Variants in CTNND2 observed in about 807,000 individuals in gnomAD.
The protein encoded by CTNND2 is catenin delta 2, also known as catenin delta-2.
A neutral mutation model predicts 144.4 loss-of-function variants in CTNND2; 22 were observed. That is an observed-to-expected ratio of 0.15 (90% CI 0.11 to 0.22). The LOEUF is 0.22. Ranked by LOEUF, CTNND2 falls within the 10% of genes least tolerant of loss-of-function variation. The probability of loss-of-function intolerance (pLI) is 1.00; values close to 1 mark genes in which losing one functional copy is unlikely to be tolerated. For missense variants in CTNND2, 1,353 were observed against 1,618.8 expected, an observed-to-expected ratio of 0.84 and a Z score of 2.82; for synonymous variants, 751 against 695.6, an observed-to-expected ratio of 1.08 and a Z score of -1.25.
intron 2 of CTNND2, among the ~76,000 whole-genome samples, chr5:11,722,068 C>G (rs1345292218): frequency 6.6e-6 from 1 of 152,098 alleles, no homozygotes; most frequent in Non-Finnish European, 1.5e-5. Flanking sequence ...ATTTGTGGTC[C>G]ACATTTCTAA....
chr5:11,610,089 A>G (rs900173960), intron 2 of CTNND2, among the ~76,000 whole-genome samples: 9 of 152,190 alleles, frequency 5.9e-5, no homozygotes, highest in African/African-American at 1.9e-4. Flanking sequence ...TGTTCCAGAC[A>G]CAAAGTTCCA....
At chr5:11,309,981 C>T (rs1464543368) in intron 9 of CTNND2, among the ~76,000 whole-genome samples, 5 of 152,132 alleles carry the variant, frequency 3.3e-5, no homozygotes, top group Admixed American at 2.6e-4. Flanking sequence ...CCTGGGGCCT[C>T]CCCAGCCCTG....
intron 1 of CTNND2, among the ~76,000 whole-genome samples, chr5:11,787,373 T>C (rs774041174): frequency 2.0e-5 from 3 of 152,172 alleles, no homozygotes; most frequent in Non-Finnish European, 4.4e-5. Flanking sequence ...GCAACAACAC[T>C]AATAACTGTA....
chr5:11,118,774 T>C (rs886658617), intron 12 of CTNND2, among the ~76,000 whole-genome samples: 6 of 152,220 alleles, frequency 3.9e-5, no homozygotes, highest in Non-Finnish European at 8.8e-5. Flanking sequence ...TAGTCTCATT[T>C]CATATTCACA....
In CTNND2 at chr5:10,995,511, A is replaced by G. The variant is rs938251495; in HGVS notation, c.3085-2834T>C. ...AAATGTCTAACTCCAGCGGTCCCAA[A>G]AGATAATGAGAATTGGTGAAGGGGA... On this transcript the variant is annotated intron_variant, in intron 18 of 21. Coordinates refer to ENST00000304623, the MANE Select transcript of CTNND2 (RefSeq NM_001332.4). Among the ~76,000 whole-genome samples the G allele has an allele frequency of 3.3e-5, 5 of 152,340 alleles. No individual in the cohort carries two copies. The South Asian group carries it at 1.0e-3, about 32-fold the overall frequency.
chr5:11,571,628 A>G (rs1055925004), intron 2 of CTNND2, among the ~76,000 whole-genome samples: 3 of 152,054 alleles, frequency 2.0e-5, no homozygotes, highest in African/African-American at 7.2e-5. Context: ...TGTTCAGCCA[A>G]TCTCCGGAGC....
At chr5:11,253,578 A>T (rs971474174) in intron 9 of CTNND2, among the ~76,000 whole-genome samples, 2 of 152,200 alleles carry the variant, frequency 1.3e-5, no homozygotes, top group Admixed American at 6.5e-5. Context: ...CTCCCCAGCC[A>T]CATGGAACTG....
chr5:11,598,029 G>C (rs1779605420), intron 2 of CTNND2, among the ~76,000 whole-genome samples: 1 of 152,026 alleles, frequency 6.6e-6, no homozygotes, highest in African/African-American at 2.4e-5. Flanking sequence ...TTTTGTTGTT[G>C]TTGTATCCAA....
intron 9 of CTNND2, among the ~76,000 whole-genome samples, chr5:11,288,251 T>C (rs1388252091): frequency 1.3e-5 from 2 of 152,158 alleles, no homozygotes; most frequent in Non-Finnish European, 2.9e-5. Flanking sequence ...ATGACACTGA[T>C]GTACTGACAA....
At chr5:11,233,338 C>G (rs1296539919) in intron 10 of CTNND2, among the ~76,000 whole-genome samples, 1 of 152,098 alleles carries the variant, frequency 6.6e-6, no homozygotes, top group African/African-American at 2.4e-5. Flanking sequence ...GAAAACCGTA[C>G]AAATCACAGG....
At chr5:11,143,099 T>C (rs1193959352) in intron 12 of CTNND2, among the ~76,000 whole-genome samples, 6 of 152,064 alleles carry the variant, frequency 3.9e-5, no homozygotes, top group Non-Finnish European at 8.8e-5. Flanking sequence ...AGGAACCCAT[T>C]TAACAAAGAG....
intron 3 of CTNND2, among the ~76,000 whole-genome samples, chr5:11,482,975 G>C (rs1768430924): frequency 6.6e-6 from 1 of 151,910 alleles, no homozygotes; most frequent in Non-Finnish European, 1.5e-5. Flanking sequence ...AGAGGAACTG[G>C]GCTTTTCTCT....
chr5:11,322,243 G>A (rs1752109068), intron 9 of CTNND2, among the ~76,000 whole-genome samples: 1 of 152,094 alleles, frequency 6.6e-6, no homozygotes, highest in Admixed American at 6.5e-5. Flanking sequence ...CATGATATCA[G>A]TGCCCAGCAT....
At chr5:11,666,159 CAT>C (rs546122037) in intron 2 of CTNND2, among the ~76,000 whole-genome samples, 39 of 152,294 alleles carry the variant, frequency 2.6e-4, no homozygotes, top group African/African-American at 8.2e-4. Flanking sequence ...GAAATAAACT[CAT>C]AGCCTGTGAC....
intron 1 of CTNND2, among the ~76,000 whole-genome samples, chr5:11,733,998 T>G (rs1787538749): frequency 6.6e-6 from 1 of 152,186 alleles, no homozygotes; most frequent in African/African-American, 2.4e-5. Context: ...CCCTCATAAA[T>G]AGGATGAGTC....
At chr5:10,975,420 C>T (rs61752734) in intron 21 of CTNND2, among the ~76,000 whole-genome samples, 2,931 of 152,258 alleles carry the variant, frequency 0.019, 87 homozygotes, top group African/African-American at 0.064. Flanking sequence ...ACATCAATAT[C>T]TATAATCTAT....
Position 11,445,587 on chromosome 5 carries a change from T to A in CTNND2, c.288-33518A>T, listed in dbSNP as rs368216305. ...AGCTCTGCGTGCTTCTCCTCACCCATGCCTGGGATTTCCACCTTGGAAATA... is the reference window on the plus strand; with the variant it reads ...AGCTCTGCGTGCTTCTCCTCACCCAAGCCTGGGATTTCCACCTTGGAAATA... On this transcript the variant is annotated intron_variant, in intron 3 of 21. Coordinates refer to ENST00000304623, the MANE Select transcript of CTNND2 (RefSeq NM_001332.4). Among the ~76,000 whole-genome samples the A allele has an allele frequency of 9.8e-5, 15 of 152,306 alleles. No homozygotes were observed. In the South Asian group the frequency reaches 3.1e-3, roughly 32 times the overall value.
At chr5:11,436,728 T>C (rs1763808021) in intron 3 of CTNND2, among the ~76,000 whole-genome samples, 2 of 152,226 alleles carry the variant, frequency 1.3e-5, no homozygotes, top group Non-Finnish European at 2.9e-5. Flanking sequence ...CCCAGGATAT[T>C]TGCTGACAGT....
chr5:11,389,635 G>A (rs950901821), intron 6 of CTNND2, among the ~76,000 whole-genome samples: 1 of 152,108 alleles, frequency 6.6e-6, no homozygotes. Flanking sequence ...TAGGGAATAT[G>A]TACATTATTC....
Sources: allele counts gnomAD v4.1 joint callset (sites outside exome capture counted in the v4.1 genomes callset), GRCh38; gene constraint gnomAD v4.1.1; transcripts MANE v1.5; gene names NCBI Gene and HGNC (gene_info 2026-07-23, HGNC 2026-07-21).